The following FNDC3A variants were observed in gnomAD, a reference collection of about 807,000 sequenced individuals.
FNDC3A encodes the protein fibronectin type III domain containing 3A, also known as fibronectin type-III domain-containing protein 3A.
In FNDC3A, 32 loss-of-function variants were observed where a neutral mutation model predicts 148.9. The observed-to-expected ratio is 0.21, with a 90% CI of 0.16 to 0.29. The LOEUF is 0.29. Among genes scored for constraint, FNDC3A ranks in the 10% least tolerant of loss-of-function variants. FNDC3A has a pLI of 1.00. For missense variants in FNDC3A, 1,191 were observed against 1,452.8 expected, an observed-to-expected ratio of 0.82 and a Z score of 2.93; for synonymous variants, 472 against 473.6, an observed-to-expected ratio of 1.00 and a Z score of 0.04.
At chr13:49,146,395 T>C (rs1882995056) in intron 8 of FNDC3A, 1 of 153,780 alleles carries the variant, frequency 6.5e-6, no homozygotes, top group African/African-American at 2.4e-5. Flanking sequence ...TTAGTATGTT[T>C]ATAGTCATAT....
chr13:49,045,591 T>C (rs567555516), intron 2 of FNDC3A: 77 of 473,742 alleles, frequency 1.6e-4, no homozygotes, highest in Non-Finnish European at 2.8e-4. Flanking sequence ...CCATACTCTC[T>C]TAAATGAGAA....
chr13:49,170,025 C>T (rs977934608), intron 10 of FNDC3A, among the ~76,000 whole-genome samples: 3 of 152,090 alleles, frequency 2.0e-5, no homozygotes, highest in Middle Eastern at 3.4e-3. Context: ...TTCTTTATTT[C>T]GAAGATAATT....
chr13:49,142,585 A>G (rs1375570262), intron 7 of FNDC3A, among the ~76,000 whole-genome samples: 1 of 152,150 alleles, frequency 6.6e-6, no homozygotes, highest in Non-Finnish European at 1.5e-5. Flanking sequence ...TTTTTCTTCT[A>G]TGCAACTCTA....
chr13:49,143,860 C>T (rs934712797), intron 7 of FNDC3A, among the ~76,000 whole-genome samples: 3 of 151,938 alleles, frequency 2.0e-5, no homozygotes, highest in African/African-American at 7.3e-5. Flanking sequence ...AAAGTAGGTG[C>T]CAGGCTGGGC....
rs143191503 is a variant in FNDC3A at position 49,026,633 on chromosome 13, A to G, written c.99+20344A>G. ...ATCCTCCTGCCTCAGCCTCCTGAGT[A>G]GCTAGAACTACAGGCATATGCCACC... On this transcript the variant is annotated intron_variant, in intron 2 of 25. Coordinates refer to ENST00000492622, the MANE Select transcript of FNDC3A (RefSeq NM_001079673.2). Among the ~76,000 whole-genome samples, 1,236 of 152,220 alleles carry G rather than the reference A, an allele frequency of 8.1e-3. 45 individuals carry two copies. Among genetic ancestry groups the G allele is most frequent in the Admixed American group, 0.068 (1,042 of 15,284 alleles).
rs376206457 is a variant in FNDC3A at position 49,114,647 on chromosome 13, C to T, written c.176-8C>T. 1 of 1,600,696 alleles carries T rather than the reference C, an allele frequency of 6.2e-7. No homozygotes were observed. The highest frequency in any genetic ancestry group is 8.6e-7 in the Non-Finnish European group (1 of 1,167,982). On this transcript the variant is annotated splice_polypyrimidine_tract_variant and splice_region_variant and intron_variant, in intron 3 of 25. Transcript: ENST00000492622. ...TGGGTTAATACATCATTTATGTGAC[C>T]CATTCAGGTCCTGCTCAGGTTCCAA...
At chr13:49,123,352 A>G (rs1469881072) in intron 4 of FNDC3A, among the ~76,000 whole-genome samples, 1 of 152,164 alleles carries the variant, frequency 6.6e-6, no homozygotes, top group Non-Finnish European at 1.5e-5. Flanking sequence ...TTAACTCAAG[A>G]TGGATTAAAG....
intron 2 of FNDC3A, chr13:49,045,115 T>G (rs556298704): frequency 5.2e-6 from 1 of 190,918 alleles, no homozygotes; most frequent in South Asian, 8.8e-5. Context: ...CCCTTTCCTT[T>G]TTTCTTTCCC....
chr13:49,034,008 T>G (rs1874317869), intron 2 of FNDC3A, among the ~76,000 whole-genome samples: 1 of 151,998 alleles, frequency 6.6e-6, no homozygotes, highest in African/African-American at 2.4e-5. Flanking sequence ...ATATGTAAAT[T>G]ATTTATAAAT....
chr13:49,013,916 A>G (rs571143786), intron 2 of FNDC3A, among the ~76,000 whole-genome samples: 1 of 151,992 alleles, frequency 6.6e-6, no homozygotes, highest in Admixed American at 6.5e-5. Flanking sequence ...GTCCCCACAA[A>G]GGACATGAAC....
At chr13:49,033,864 C>T (rs1390080095) in intron 2 of FNDC3A, among the ~76,000 whole-genome samples, 1 of 151,814 alleles carries the variant, frequency 6.6e-6, no homozygotes, top group East Asian at 1.9e-4. Flanking sequence ...AAACTTAAAA[C>T]TATTAACCTT....
chr13:49,070,145 T>A (rs1019423568), intron 2 of FNDC3A, among the ~76,000 whole-genome samples: 2 of 152,110 alleles, frequency 1.3e-5, no homozygotes, highest in African/African-American at 2.4e-5. Context: ...TTTATTTATT[T>A]TTTTGAGACA....
chr13:49,196,801 T>C, intron 19 of FNDC3A, 76 bp from the exon 20 acceptor site: 1 of 679,464 alleles, frequency 1.5e-6, no homozygotes, highest in Non-Finnish European at 2.5e-6. Flanking sequence ...AATGAATCTT[T>C]AAATATGCAG....
chr13:49,059,556 A>T (rs551461839), intron 2 of FNDC3A, among the ~76,000 whole-genome samples: 2 of 152,254 alleles, frequency 1.3e-5, no homozygotes, highest in African/African-American at 4.8e-5. Flanking sequence ...CCTGGGTTCA[A>T]GTGATTCTTC....
chr13:49,025,328 C>A (rs921356604), intron 2 of FNDC3A, among the ~76,000 whole-genome samples: 2 of 151,988 alleles, frequency 1.3e-5, no homozygotes, highest in African/African-American at 4.8e-5. Flanking sequence ...ACTTGATATA[C>A]TTGAAAAATG....
intron 8 of FNDC3A, among the ~76,000 whole-genome samples, chr13:49,153,146 G>C (rs1043556774): frequency 6.6e-6 from 1 of 151,986 alleles, no homozygotes; most frequent in African/African-American, 2.4e-5. Context: ...CAATGTAAAA[G>C]TGTTCCTATT....
chr13:49,155,262 G>C (rs952604533), intron 8 of FNDC3A, among the ~76,000 whole-genome samples: 2 of 151,986 alleles, frequency 1.3e-5, no homozygotes, highest in East Asian at 1.9e-4. Flanking sequence ...TGTATGTGTC[G>C]AGGAATTTAT....
chr13:49,133,503 T>C (rs1413230858), intron 5 of FNDC3A, among the ~76,000 whole-genome samples: 1 of 152,234 alleles, frequency 6.6e-6, no homozygotes, highest in African/African-American at 2.4e-5. Context: ...AGTCATGTTG[T>C]ACTTGAGGTT....
intron 8 of FNDC3A, among the ~76,000 whole-genome samples, chr13:49,149,487 G>A (rs923886270): frequency 1.3e-5 from 2 of 151,998 alleles, no homozygotes; most frequent in Non-Finnish European, 2.9e-5. Flanking sequence ...TGTTGATATG[G>A]TGTATCACAT....
Sources: gnomAD v4.1 joint callset for allele counts (sites outside exome capture counted in the v4.1 genomes callset) on GRCh38, gnomAD v4.1.1 for gene constraint, MANE v1.5 for transcripts, NCBI Gene and HGNC (gene_info 2026-07-23, HGNC 2026-07-21) for gene names.